The following MYO15A variants were observed in gnomAD, a reference collection of about 807,000 sequenced individuals.
The protein encoded by MYO15A is myosin XVA.
In MYO15A, 308 loss-of-function variants were observed where a neutral mutation model predicts 394.6. The ratio of observed to expected loss-of-function variants is 0.78; its 90% CI spans 0.71 to 0.86. The LOEUF is 0.86. Among genes scored for constraint, MYO15A ranks in the 40% least tolerant of loss-of-function variants. MYO15A has a pLI of 0.00. For synonymous variants in MYO15A, 1,957 were observed against 2,003.8 expected (o/e 0.98, Z 0.62); for missense variants, 4,606 against 4,799.1 (o/e 0.96, Z 1.19).
chr17:18,151,894 G>A lies in MYO15A; in HGVS notation c.7836G>A (p.Glu2612=), dbSNP rs1235494114. ...VFMKRPDPHE[E]ALMILKGQMT... Reference sequence around the variant, plus strand: ...TGAAGCGGCCAGACCCTCATGAGGAGGCCCTGATGATCCTGAAAGGGCAGA... The same window carrying A: ...TGAAGCGGCCAGACCCTCATGAGGAAGCCCTGATGATCCTGAAAGGGCAGA... Residue 2612 remains glutamate, a synonymous_variant, in exon 41 of 66, where the codon GAG becomes GAA. Coordinates refer to ENST00000647165, the MANE Select transcript of MYO15A (RefSeq NM_016239.4). 3 of 1,577,256 alleles carry A rather than the reference G, an allele frequency of 1.9e-6. No homozygotes were observed. Among genetic ancestry groups the A allele is most frequent in the Non-Finnish European group, 1.7e-6 (2 of 1,161,642 alleles).
At position 18,144,607 on chromosome 17, in the gene MYO15A, C is replaced by G. The variant is rs773272314; in HGVS notation, c.6273+15C>G. On this transcript the variant is annotated intron_variant, in intron 29 of 65. Transcript: ENST00000647165. Reference sequence around the variant, plus strand: ...TCTTCAAGCTGGTATGGGGTCTGCCCCAGCCCACCTTCTAATTCTTAGCCC... The same window carrying G: ...TCTTCAAGCTGGTATGGGGTCTGCCGCAGCCCACCTTCTAATTCTTAGCCC... 12 of 1,608,938 alleles carry G rather than the reference C, an allele frequency of 7.5e-6. No individual in the cohort carries two copies. Among genetic ancestry groups the G allele is most frequent in the Non-Finnish European group, 8.5e-7 (1 of 1,179,180 alleles).
intron 12 of MYO15A, 48 bp downstream of exon 12, chr17:18,133,434 G>C (rs777454325): frequency 6.2e-6 from 10 of 1,604,264 alleles, no homozygotes; most frequent in Non-Finnish European, 8.5e-6. Flanking sequence ...CTCTGGACTT[G>C]GCCGTCTTTT....
chr17:18,147,982 C>G lies in MYO15A; in HGVS notation c.6510-47C>G. ...CCACCCCGCAGCCCTCAGCCCCAAG[C>G]TAGCTTCAGATCCTTCTTGATCCTG... On this transcript the variant is annotated intron_variant, in intron 30 of 65. Transcript: ENST00000647165. This position sits in a 1 kb window ranked among gnomAD's most constrained non-coding sequence, Gnocchi z 4.4. 2 of 1,612,212 alleles carry G rather than the reference C, an allele frequency of 1.2e-6. No individual in the cohort carries two copies. The highest frequency in any genetic ancestry group is 1.1e-5 in the South Asian group (1 of 90,950).
Position 18,149,478 on chromosome 17 carries a change from C to G in MYO15A, c.7118-8C>G. ...AAGAACTTGACATTTTTGTGCCTTCCCCTCCAGAGTCAGACAGTCTTGGAG... is the reference window on the plus strand; with the variant it reads ...AAGAACTTGACATTTTTGTGCCTTCGCCTCCAGAGTCAGACAGTCTTGGAG... On this transcript the variant is annotated splice_polypyrimidine_tract_variant and splice_region_variant and intron_variant, in intron 34 of 65. Transcript: ENST00000647165. 6.2e-7 allele frequency: 1 copy of G among 1,614,134 alleles called. No individual in the cohort carries two copies. Among genetic ancestry groups the G allele is most frequent in the South Asian group, 1.1e-5 (1 of 91,082 alleles).
chr17:18,163,992 C>T, intron 60 of MYO15A, 154 bp downstream of exon 60: 1 of 742,370 alleles, frequency 1.3e-6, no homozygotes, highest in South Asian at 1.5e-5. Flanking sequence ...CTGTGTGTAC[C>T]AAGCACGCCC....
chr17:18,148,584 G>A lies in MYO15A; in HGVS notation c.6764+16G>A. 2 of 1,551,314 alleles carry A rather than the reference G, an allele frequency of 1.3e-6. No homozygotes were observed. Among genetic ancestry groups the A allele is most frequent in the South Asian group, 1.2e-5 (1 of 84,062 alleles). On this transcript the variant is annotated intron_variant, in intron 32 of 65. Transcript: ENST00000647165. The surrounding 1 kb of genome is among the most constrained non-coding windows in gnomAD (Gnocchi z 4.8). ...TGAGGCACAGGTTGGCTCCTAGGATGCCCTCCCAGCACACTCTTATGTACC... is the reference window on the plus strand; with the variant it reads ...TGAGGCACAGGTTGGCTCCTAGGATACCCTCCCAGCACACTCTTATGTACC...
rs368430972 is a variant in MYO15A at position 18,137,652 on chromosome 17, C to G, written c.4848C>G (p.Phe1616Leu). 3.4e-5 allele frequency: 55 copies of G among 1,614,086 alleles called. No individual in the cohort carries two copies. The highest frequency in any genetic ancestry group is 5.9e-6 in the Non-Finnish European group (7 of 1,180,052). ...NYANENLQYL[F>L]NKIVFQEEQE... Reference sequence around the variant, plus strand: ...CAAACGAGAACCTTCAGTACCTTTTCAACAAGATCGTCTTCCAGGAGGAGC... The same window carrying G: ...CAAACGAGAACCTTCAGTACCTTTTGAACAAGATCGTCTTCCAGGAGGAGC... The change falls in exon 16 of 66, where the codon TTC becomes TTG. Residue 1616 changes from phenylalanine (F) to leucine (L), a missense_variant. By Grantham distance (22) the Phe-to-Leu change is conservative. Transcript: ENST00000647165.
chr17:18,144,054 G>A (rs1341640313), intron 28 of MYO15A, 54 bp downstream of exon 28: 16 of 1,610,872 alleles, frequency 9.9e-6, no homozygotes, highest in Non-Finnish European at 1.4e-5. Context: ...TGACCAATTA[G>A]AATGGACATT....
intron 60 of MYO15A, chr17:18,164,178 C>G: frequency 2.7e-6 from 1 of 366,142 alleles, no homozygotes; most frequent in South Asian, 2.2e-5. Context: ...ATTATGGAAC[C>G]TATAGGAACC....
chr17:18,136,386 G>C, intron 13 of MYO15A, 31 bp from the exon 14 acceptor site: 1 of 1,613,234 alleles, frequency 6.2e-7, no homozygotes, highest in East Asian at 2.2e-5. Context: ...TGGCCAGCCT[G>C]ATGTCACTCA....
rs1188375502 is a variant in MYO15A, at chr17:18,148,691, C to A, written c.6765-70C>A. On this transcript the variant is annotated intron_variant, in intron 32 of 65. Coordinates refer to ENST00000647165, the MANE Select transcript of MYO15A (RefSeq NM_016239.4). The surrounding 1 kb of genome is among the most constrained non-coding windows in gnomAD (Gnocchi z 4.8). ...TTCATGTTTAGGGTCTGGCTTATAA[C>A]CCAGGATCTCCCCAGGTAGTGCCTG... is the stretch of plus-strand genomic sequence containing the variant. 1.7e-5 allele frequency: 27 copies of A among 1,548,810 alleles called. No individual in the cohort carries two copies. The highest frequency in any genetic ancestry group is 2.4e-5 in the Non-Finnish European group (27 of 1,145,394).
Position 18,136,693 on chromosome 17 carries a change from C to A in MYO15A, c.4779+7C>A. On this transcript the variant is annotated splice_region_variant and intron_variant, in intron 15 of 65. Coordinates refer to ENST00000647165, the MANE Select transcript of MYO15A (RefSeq NM_016239.4). ...GGACATCTATGGTTTCGAGGTGGGG[C>A]CGTGTAGGAGGCTGAGGGGCGGGGG... 1 of 1,596,354 alleles carries A rather than the reference C, an allele frequency of 6.3e-7. No homozygotes were observed.
chr17:18,145,780 A>G, intron 29 of MYO15A, 92 bp from the exon 30 acceptor site: 1 of 1,078,682 alleles, frequency 9.3e-7, no homozygotes, highest in South Asian at 1.3e-5. Flanking sequence ...AGGGGCACAC[A>G]TGGGAGGGAC....
At chr17:18,152,280 G>A in intron 42 of MYO15A, 96 bp downstream of exon 42, 1 of 1,212,250 alleles carries the variant, frequency 8.2e-7, no homozygotes, top group Non-Finnish European at 1.2e-6. Context: ...GTGTGTCTAT[G>A]TCCCTGAGCC....
chr17:18,152,787 T>C (rs148282162), intron 42 of MYO15A, among the ~76,000 whole-genome samples: 5 of 152,292 alleles, frequency 3.3e-5, no homozygotes, highest in Admixed American at 6.5e-5. Flanking sequence ...CTGCCTTGCA[T>C]GTTCCCTGTG....
At position 18,126,431 on chromosome 17, in the gene MYO15A, G is replaced by A. The variant is rs576515898; in HGVS notation, c.3841G>A (p.Gly1281Arg). ...GCCGGAGCAGGTGCAGCAGTACAAC[G>A]GACGGGCCCTGGGAGAGAATCCCCC... Reference protein sequence around the residue: ...YGPEQVQQYNGRALGENPPHL... With the variant: ...YGPEQVQQYNRRALGENPPHL... The change falls in exon 5 of 66, where the codon GGA becomes AGA. Residue 1281 changes from glycine to arginine, a missense_variant. Gly to Arg is a moderately radical substitution (Grantham distance 125, BLOSUM62 -2). This residue lies in a region of MYO15A where 2,776 missense variants were observed against 3,109.3 expected (regional missense o/e 0.89). Coordinates refer to ENST00000647165, the MANE Select transcript of MYO15A (RefSeq NM_016239.4). 95 of 1,613,958 alleles carry A rather than the reference G, an allele frequency of 5.9e-5. No homozygotes were observed. The South Asian group carries it at 8.0e-4, about 14-fold the overall frequency.
chr17:18,168,959 A>AG (rs1485611128), intron 62 of MYO15A, among the ~76,000 whole-genome samples: 1 of 150,914 alleles, frequency 6.6e-6, no homozygotes, highest in Non-Finnish European at 1.5e-5. Context: ...TAAAAAAAAA[A>AG]AAAATTAGCC....
intron 1 of MYO15A, among the ~76,000 whole-genome samples, chr17:18,113,716 C>T (rs1036776359): frequency 1.3e-5 from 2 of 150,006 alleles, no homozygotes; most frequent in South Asian, 2.1e-4. Context: ...CTCTCCAGCC[C>T]GGTTGACGGA....
Position 18,148,375 on chromosome 17 carries a change from AG to A in MYO15A, c.6692-117del. On this transcript the variant is annotated intron_variant, in intron 31 of 65. Transcript: ENST00000647165. The surrounding 1 kb of genome is among the most constrained non-coding windows in gnomAD (Gnocchi z 4.8). ...GTGGGGGTGGGACCTGGCCCAGGAA[AG>A]GGGAGCCAGGGAAGTGAGGCTACAG... The A allele has an allele frequency of 6.9e-7, 1 of 1,456,956 alleles. No individual in the cohort carries two copies. The highest frequency in any genetic ancestry group is 9.4e-7 in the Non-Finnish European group (1 of 1,067,182). 90.3% of individuals were successfully genotyped at this position (1,456,956 alleles called of 1,614,324 possible). A position where few individuals can be genotyped will look rare whatever the true frequency, so the allele number is the denominator to read the frequency against.
Sources: allele counts gnomAD v4.1 joint callset (sites outside exome capture counted in the v4.1 genomes callset), GRCh38; gene constraint gnomAD v4.1.1; regional missense constraint gnomAD v4.1.1; non-coding constraint Gnocchi (gnomAD v3.1); transcripts MANE v1.5; gene names NCBI Gene and HGNC (gene_info 2026-07-23, HGNC 2026-07-21).